Variants in TUB observed in about 807,000 individuals in gnomAD.
TUB encodes the protein TUB bipartite transcription factor.
In TUB, 33 loss-of-function variants were observed where a neutral mutation model predicts 59.7. The ratio of observed to expected loss-of-function variants is 0.55; its 90% CI spans 0.42 to 0.74. TUB has a LOEUF of 0.74. Among genes scored for constraint, TUB ranks in the 30% least tolerant of loss-of-function variants. The pLI is 0.00. For synonymous variants in TUB, 293 were observed against 256.4 expected, an observed-to-expected ratio of 1.14 and a Z score of -1.36; for missense variants, 659 against 672.0, an observed-to-expected ratio of 0.98 and a Z score of 0.21.
At chr11:8,069,659 T>G (rs1943322855) in intron 2 of TUB, among the ~76,000 whole-genome samples, 1 of 152,216 alleles carries the variant, frequency 6.6e-6, no homozygotes. Flanking sequence ...GAAATGTCTT[T>G]GCTTTTCTTA....
At chr11:8,057,716 C>T (rs1943042441) in intron 2 of TUB, among the ~76,000 whole-genome samples, 1 of 152,070 alleles carries the variant, frequency 6.6e-6, no homozygotes, top group Admixed American at 6.5e-5. Context: ...TGGGGAGTTT[C>T]TTCAGACCCC....
chr11:8,089,926 T>A (rs1943738924), intron 2 of TUB, 143 bp from the exon 3 acceptor site: 1 of 1,283,700 alleles, frequency 7.8e-7, no homozygotes, highest in East Asian at 2.5e-5. Flanking sequence ...GGGCCCTGTT[T>A]TGCCTCCCTT....
intron 2 of TUB, among the ~76,000 whole-genome samples, chr11:8,065,701 T>C (rs756088125): frequency 3.9e-5 from 6 of 152,260 alleles, no homozygotes; most frequent in Admixed American, 6.5e-5. Context: ...TGCCCTCTGG[T>C]AAGCCTAGGA....
upstream of TUB, among the ~76,000 whole-genome samples, chr11:8,036,549 A>C (rs537058161): frequency 6.6e-6 from 1 of 152,350 alleles, no homozygotes; most frequent in South Asian, 2.1e-4. Flanking sequence ...CAGAACTAGG[A>C]CTGAAGGGAG....
chr11:8,090,814 G>T (rs1182155404), intron 3 of TUB, among the ~76,000 whole-genome samples: 1 of 151,488 alleles, frequency 6.6e-6, no homozygotes, highest in African/African-American at 2.4e-5. Flanking sequence ...TCATCCTGGA[G>T]AGAGCACATC....
chr11:8,067,161 G>C (rs1457486967), intron 2 of TUB, among the ~76,000 whole-genome samples: 1 of 152,158 alleles, frequency 6.6e-6, no homozygotes, highest in Non-Finnish European at 1.5e-5. Context: ...AGCTTCTCCA[G>C]CTCATTCTTC....
chr11:8,074,611 C>T (rs1274867065), intron 2 of TUB, among the ~76,000 whole-genome samples: 2 of 151,892 alleles, frequency 1.3e-5, no homozygotes, highest in East Asian at 2.0e-4. Context: ...TGGTGGTTCA[C>T]ACCTGTAGTC....
intron 2 of TUB, among the ~76,000 whole-genome samples, chr11:8,065,085 T>C (rs995679570): frequency 6.6e-6 from 1 of 152,068 alleles, no homozygotes. Context: ...TGGAGGAGAA[T>C]TGGTGGAAGC....
intron 3 of TUB, among the ~76,000 whole-genome samples, chr11:8,091,813 T>C (rs1943785663): frequency 6.6e-6 from 1 of 152,130 alleles, no homozygotes; most frequent in African/African-American, 2.4e-5. Flanking sequence ...CTCCTCCACT[T>C]CCTTTGTGAG....
At chr11:8,063,426 A>G (rs1943171393) in intron 2 of TUB, among the ~76,000 whole-genome samples, 1 of 152,240 alleles carries the variant, frequency 6.6e-6, no homozygotes, top group Non-Finnish European at 1.5e-5. Context: ...GAAGTAGCCG[A>G]CTGCACGTTT....
At chr11:8,088,991 G>GCT (rs2133830640) in intron 1 of TUB, among the ~76,000 whole-genome samples, 1 of 152,354 alleles carries the variant, frequency 6.6e-6, no homozygotes, top group Non-Finnish European at 1.5e-5. Flanking sequence ...TGTAGGCTGA[G>GCT]GGACTGGTTG....
intron 5 of TUB, 31 bp downstream of exon 5, chr11:8,095,696 CA>C: frequency 6.4e-7 from 1 of 1,559,526 alleles, no homozygotes; most frequent in Non-Finnish European, 8.7e-7. Context: ...GTGATACCCC[CA>C]AAACTCAGTC....
chr11:8,078,385 C>G (rs892389497), upstream of TUB, among the ~76,000 whole-genome samples: 1 of 152,110 alleles, frequency 6.6e-6, no homozygotes, highest in African/African-American at 2.4e-5. Flanking sequence ...AACCTTGTTC[C>G]TGGGGCTAAA....
In TUB at chr11:8,100,782, G is replaced by T. The variant is rs772242028; in HGVS notation, c.1216-44G>T. The T allele has an allele frequency of 1.4e-5, 22 of 1,607,584 alleles. 1 individual carries two copies. In the South Asian group the frequency reaches 2.4e-4, roughly 18 times the overall value. On this transcript the variant is annotated intron_variant, in intron 10 of 11. Transcript: ENST00000299506. ...TAGATCCCTTTCTGGGGTGGTCATG[G>T]TGCCAAAGGCCTGGGCCTGGCTCAG...
intron 2 of TUB, among the ~76,000 whole-genome samples, chr11:8,051,028 C>T (rs541620944): frequency 1.2e-4 from 18 of 152,186 alleles, no homozygotes; most frequent in African/African-American, 3.1e-4. Flanking sequence ...CACTGGGAAC[C>T]GTCAGGAGGG....
Position 8,062,938 on chromosome 11 carries a change from C to T in TUB, c.203+23246C>T, listed in dbSNP as rs114954747. Reference sequence around the variant, plus strand: ...CTGCACTCTCGTGGGAAGGAGAGGCCGACATACTCTTCGGTAACCTTTTCC... The same window carrying T: ...CTGCACTCTCGTGGGAAGGAGAGGCTGACATACTCTTCGGTAACCTTTTCC... On this transcript the variant is annotated intron_variant, in intron 2 of 12. Transcript: ENST00000305253. 3.4e-3 allele frequency among the ~76,000 whole-genome samples: 520 copies of T among 152,202 alleles called. 1 individual carries two copies. Among genetic ancestry groups the T allele is most frequent in the African/African-American group, 0.011 (476 of 41,502 alleles).
At chr11:8,032,479 G>C (rs1942589064) in intron 1 of TUB, among the ~76,000 whole-genome samples, 2 of 152,188 alleles carry the variant, frequency 1.3e-5, no homozygotes, top group African/African-American at 2.4e-5. Flanking sequence ...TTAAAAAACT[G>C]TTTATTGGAA....
intron 9 of TUB, among the ~76,000 whole-genome samples, chr11:8,099,985 G>A (rs1944195379): frequency 6.6e-6 from 1 of 152,204 alleles, no homozygotes; most frequent in Non-Finnish European, 1.5e-5. Context: ...AGAGCCACTG[G>A]AGAGTTCTGA....
chr11:8,086,672 G>A (rs1943673210), intron 1 of TUB, among the ~76,000 whole-genome samples: 1 of 152,120 alleles, frequency 6.6e-6, no homozygotes, highest in Non-Finnish European at 1.5e-5. Context: ...CCCCATTTTA[G>A]TAGATTTAGT....
Sources: allele counts gnomAD v4.1 joint callset (sites outside exome capture counted in the v4.1 genomes callset), GRCh38; gene constraint gnomAD v4.1.1; transcripts MANE v1.5; gene names NCBI Gene and HGNC (gene_info 2026-07-23, HGNC 2026-07-21).